SMARCA5: variants seen among roughly 807,000 people sequenced by gnomAD.
SMARCA5 encodes the protein SNF2 related chromatin remodeling ATPase 5.
In SMARCA5, 18 loss-of-function variants were observed where a neutral mutation model predicts 140.4. The observed-to-expected ratio is 0.13, with a 90% CI of 0.09 to 0.19. SMARCA5 has a LOEUF of 0.19. SMARCA5 is among the 10% of genes least tolerant of loss of function. The pLI, the probability that SMARCA5 is intolerant of heterozygous loss-of-function variation, is 1.00. For missense variants in SMARCA5, 606 were observed against 1,276.8 expected (o/e 0.47, Z 8.01); for synonymous variants, 449 against 419.6 (o/e 1.07, Z -0.86).
chr4:143,532,825 T>C (rs189274901), intron 9 of SMARCA5, among the ~76,000 whole-genome samples: 98 of 152,234 alleles, frequency 6.4e-4, no homozygotes, highest in Middle Eastern at 3.4e-3. Flanking sequence ...TGGATTACAC[T>C]TGGGGTTATC....
chr4:143,533,154 T>G (rs1737233995), intron 9 of SMARCA5, among the ~76,000 whole-genome samples: 1 of 152,194 alleles, frequency 6.6e-6, no homozygotes, highest in Non-Finnish European at 1.5e-5. Context: ...AAATGTCTCA[T>G]TGTTTAATAA....
At chr4:143,537,474 A>C (rs1475735399) in intron 11 of SMARCA5, among the ~76,000 whole-genome samples, 1 of 152,196 alleles carries the variant, frequency 6.6e-6, no homozygotes, top group Admixed American at 6.6e-5. Context: ...GAATGGGTTT[A>C]CTTTTTCCTT....
At chr4:143,545,881 C>G (rs755481816) in intron 18 of SMARCA5, 44 bp from the exon 19 acceptor site, 3 of 1,572,242 alleles carry the variant, frequency 1.9e-6, no homozygotes, top group Non-Finnish European at 2.6e-6. Context: ...ATCACATGCT[C>G]TTTAAAATTT....
intron 11 of SMARCA5, among the ~76,000 whole-genome samples, chr4:143,537,054 G>A (rs1237995468): frequency 6.6e-6 from 1 of 152,138 alleles, no homozygotes; most frequent in Non-Finnish European, 1.5e-5. Flanking sequence ...AATTATTTAT[G>A]TGGAGTTTTA....
intron 6 of SMARCA5, among the ~76,000 whole-genome samples, chr4:143,526,664 A>T (rs1473986375): frequency 6.6e-6 from 1 of 152,130 alleles, no homozygotes; most frequent in African/African-American, 2.4e-5. Flanking sequence ...GATCGAGACC[A>T]TCCTGGCTAA....
At chr4:143,539,554 G>A (rs1737386876) in intron 13 of SMARCA5, among the ~76,000 whole-genome samples, 1 of 103,914 alleles carries the variant, frequency 9.6e-6, no homozygotes, top group South Asian at 3.2e-4. Flanking sequence ...TTTTTTTTTT[G>A]AGATGGAGTT....
At chr4:143,536,786 G>A (rs1178058730) in intron 11 of SMARCA5, 108 bp downstream of exon 11, 31 of 747,194 alleles carry the variant, frequency 4.1e-5, no homozygotes, top group South Asian at 5.2e-5. Flanking sequence ...CAAGGTTGAC[G>A]TGTAGAACAT....
intron 1 of SMARCA5, among the ~76,000 whole-genome samples, chr4:143,516,495 T>G (rs34270361): frequency 6.6e-6 from 1 of 152,014 alleles, no homozygotes; most frequent in Admixed American, 6.6e-5. Context: ...TAAACTGGAC[T>G]GGGTAGGTGG....
chr4:143,548,310 C>G (rs768707664), intron 22 of SMARCA5, 170 bp downstream of exon 22: 3 of 460,916 alleles, frequency 6.5e-6, no homozygotes, highest in Non-Finnish European at 1.2e-5. Flanking sequence ...TTGGTCCTAT[C>G]CTTTAGTATC....
rs895000690 is a variant in SMARCA5 at position 143,536,675 on chromosome 4, C to A, written c.1492C>A (p.Gln498Lys). 1 of 1,604,256 alleles carries A rather than the reference C, an allele frequency of 6.2e-7. No homozygotes were observed. Among genetic ancestry groups the A allele is most frequent in the African/African-American group, 1.3e-5 (1 of 74,674 alleles). The change falls in exon 11 of 24, where the codon CAA becomes AAA. Residue 498 changes from glutamine (Q) to lysine (K), a missense_variant. Physicochemically the swap from Gln to Lys is moderately conservative, Grantham distance 53 (BLOSUM62 1). This residue lies in a region of SMARCA5 where 68 missense variants were observed against 126.9 expected (regional missense o/e 0.54). Coordinates refer to ENST00000283131, the MANE Select transcript of SMARCA5 (RefSeq NM_003601.4). ...LDKLLPKLKE[Q>K]GSRVLIFSQM... Reference sequence around the variant, plus strand: ...CAAGCTGCTCCCTAAGTTAAAAGAACAAGGTATCGGTTACCCGTATCAAAT... The same window carrying A: ...CAAGCTGCTCCCTAAGTTAAAAGAAAAAGGTATCGGTTACCCGTATCAAAT...
At position 143,555,349 on chromosome 4, in the gene SMARCA5, C is replaced by G. The variant is rs1490041008; in HGVS notation, c.*2165C>G. 1 of 716,980 alleles carries G rather than the reference C, an allele frequency of 1.4e-6. No individual in the cohort carries two copies. The highest frequency in any genetic ancestry group is 1.7e-5 in the African/African-American group (1 of 57,794). The allele number at this position is 716,980 out of a possible 1,614,324, so 44.4% of individuals were successfully genotyped here. ...CATTACCAAATCTATTATAGCAATCCCCACTGCCACCATATCCATCACCAC... is the reference window on the plus strand; with the variant it reads ...CATTACCAAATCTATTATAGCAATCGCCACTGCCACCATATCCATCACCAC... On this transcript the variant is annotated 3_prime_UTR_variant, in exon 24 of 24. Transcript: ENST00000283131.
intron 10 of SMARCA5, among the ~76,000 whole-genome samples, chr4:143,535,299 A>G (rs1206670866): frequency 6.6e-6 from 1 of 152,194 alleles, no homozygotes; most frequent in Non-Finnish European, 1.5e-5. Flanking sequence ...GTTCACTTAT[A>G]GTTCATAAAT....
At chr4:143,521,126 A>G (rs1028950114) in intron 2 of SMARCA5, among the ~76,000 whole-genome samples, 2 of 152,196 alleles carry the variant, frequency 1.3e-5, no homozygotes, top group Non-Finnish European at 2.9e-5. Context: ...GAGTAGTTCC[A>G]TCATCCCCAA....
chr4:143,517,236 T>C, intron 1 of SMARCA5, 119 bp from the exon 2 acceptor site: 1 of 629,578 alleles, frequency 1.6e-6, no homozygotes, highest in South Asian at 2.1e-5. Flanking sequence ...TGTTTAAGTT[T>C]CTAGGAAGTT....
Position 143,527,909 on chromosome 4 carries a change from T to C in SMARCA5, c.843T>C (p.Asp281=). 2 of 1,597,810 alleles carry C rather than the reference T, an allele frequency of 1.3e-6. No individual in the cohort carries two copies. The highest frequency in any genetic ancestry group is 1.7e-6 in the Non-Finnish European group (2 of 1,176,008). Reference sequence around the variant, plus strand: ...ACGTTTTATTACCGGGAGAATGGGATGTATGTGTAACATCTTATGAAATGC... The same window carrying C: ...ACGTTTTATTACCGGGAGAATGGGACGTATGTGTAACATCTTATGAAATGC... ...VRDVLLPGEW[D]VCVTSYEMLI... is the part of the protein sequence containing the mutation. The change falls in exon 7 of 24, where the codon GAT becomes GAC. Residue 281 remains aspartate (D), a synonymous_variant. Transcript: ENST00000283131.
chr4:143,522,577 C>T (rs1736984524), intron 3 of SMARCA5, among the ~76,000 whole-genome samples: 2 of 152,116 alleles, frequency 1.3e-5, no homozygotes, highest in Admixed American at 6.5e-5. Context: ...GTATTCCACT[C>T]ATTCATTATA....
At chr4:143,550,225 C>CTTTTTT (rs70953739) in intron 23 of SMARCA5, 121 bp downstream of exon 23, 76 of 215,520 alleles carry the variant, frequency 3.5e-4, no homozygotes, top group Non-Finnish European at 4.1e-4. Flanking sequence ...ATTGCCTTTA[C>CTTTTTT]TTTTTTTTTT....
At chr4:143,543,735 T>C (rs1737472602) in intron 15 of SMARCA5, 78 bp downstream of exon 15, 1 of 1,495,164 alleles carries the variant, frequency 6.7e-7, no homozygotes, top group African/African-American at 1.4e-5. Flanking sequence ...ACATTGATGA[T>C]AAATAATTTT....
At position 143,524,485 on chromosome 4, in the gene SMARCA5, GA is replaced by G. The variant is rs771941391; in HGVS notation, c.520+19del. ...TCCATCGTGTATGTTAAACACACTT[GA>G]TTTTTTTAAAAAATTGCCCTTTGAG... On this transcript the variant is annotated intron_variant, in intron 4 of 23. Transcript: ENST00000283131. 1 of 1,551,878 alleles carries G rather than the reference GA, an allele frequency of 6.4e-7. No homozygotes were observed. The highest frequency in any genetic ancestry group is 1.1e-5 in the South Asian group (1 of 87,560).
Sources: allele counts gnomAD v4.1 joint callset (sites outside exome capture counted in the v4.1 genomes callset), GRCh38; gene constraint gnomAD v4.1.1; regional missense constraint gnomAD v4.1.1; transcripts MANE v1.5; gene names NCBI Gene and HGNC (gene_info 2026-07-23, HGNC 2026-07-21).